The following KCNT2 variants were observed in gnomAD, a reference collection of about 807,000 sequenced individuals.
The protein encoded by KCNT2 is potassium sodium-activated channel subfamily T member 2.
KCNT2 carries 67 observed loss-of-function variants against 153.8 expected under a neutral mutation model. The ratio of observed to expected loss-of-function variants is 0.44; its 90% CI spans 0.36 to 0.53. KCNT2 has a LOEUF of 0.53. KCNT2 is among the 20% of genes least tolerant of loss of function. The probability of loss-of-function intolerance (pLI) is 0.00; values close to 1 mark genes in which losing one functional copy is unlikely to be tolerated. For synonymous variants in KCNT2, 500 were observed against 458.8 expected (o/e 1.09, Z -1.15); for missense variants, 975 against 1,354.8 (o/e 0.72, Z 4.40).
At chr1:196,342,001 T>C in intron 15 of KCNT2, 78 bp downstream of exon 15, 1 of 1,448,208 alleles carries the variant, frequency 6.9e-7, no homozygotes, top group East Asian at 2.3e-5. Context: ...ACAATATGCA[T>C]TCTATTTTTG....
At chr1:196,567,561 C>A (rs1400156066) in intron 1 of KCNT2, among the ~76,000 whole-genome samples, 2 of 152,122 alleles carry the variant, frequency 1.3e-5, no homozygotes, top group South Asian at 2.1e-4. Context: ...GCATATTATT[C>A]ATTATCTGGA....
chr1:196,423,526 A>G (rs1372476235), intron 11 of KCNT2, among the ~76,000 whole-genome samples: 1 of 151,820 alleles, frequency 6.6e-6, no homozygotes, highest in Non-Finnish European at 1.5e-5. Context: ...GTAAAACTCT[A>G]GTTTGTATTT....
chr1:196,325,534 A>T (rs1663760238), intron 19 of KCNT2, among the ~76,000 whole-genome samples: 1 of 152,146 alleles, frequency 6.6e-6, no homozygotes, highest in Non-Finnish European at 1.5e-5. Flanking sequence ...TTATATTTGA[A>T]AGAAGTGATT....
In KCNT2 at chr1:196,596,100, A is replaced by C. The variant is rs549498796; in HGVS notation, c.95+12115T>G. Reference sequence around the variant, plus strand: ...TATATATATATATATATATATATATATCACATTTTCTTTATCCAGTTGTTG... The same window carrying C: ...TATATATATATATATATATATATATCTCACATTTTCTTTATCCAGTTGTTG... On this transcript the variant is annotated intron_variant, in intron 1 of 27. Transcript: ENST00000294725. Among the ~76,000 whole-genome samples the C allele has an allele frequency of 9.5e-4, 135 of 141,704 alleles. 1 individual carries two copies. Among genetic ancestry groups the C allele is most frequent in the African/African-American group, 3.6e-3 (128 of 35,422 alleles). The allele number at this position is 141,704 out of a possible 152,430, so 93.0% of individuals were successfully genotyped here. A position where few individuals can be genotyped will look rare whatever the true frequency, so the allele number is the denominator to read the frequency against.
chr1:196,489,430 AAAG>A (rs1347884957), intron 3 of KCNT2, among the ~76,000 whole-genome samples: 3 of 151,992 alleles, frequency 2.0e-5, no homozygotes, highest in Non-Finnish European at 2.9e-5. Flanking sequence ...AAAAAAAGAA[AAAG>A]AAGAAAACTA....
rs56943556 is a variant in KCNT2, at chr1:196,487,409, A to AGTGTGTGTGTGTGTGTGT, written c.275+2411_275+2428dup. Among the ~76,000 whole-genome samples the AGTGTGTGTGTGTGTGTGT allele has an allele frequency of 5.0e-3, 732 of 146,518 alleles. 13 individuals are homozygous for AGTGTGTGTGTGTGTGTGT. Among genetic ancestry groups the AGTGTGTGTGTGTGTGTGT allele is most frequent in the East Asian group, 0.031 (153 of 4,858 alleles). On this transcript the variant is annotated intron_variant, in intron 3 of 27. Transcript: ENST00000294725. ...ACATATAGTACCTACCATGTTATGG[A>AGTGTGTGTGTGTGTGTGT]GTGTGTGTGTGTGTGTGTGTGTGTG...
chr1:196,391,773 C>T (rs1464853416), intron 13 of KCNT2, among the ~76,000 whole-genome samples: 1 of 151,310 alleles, frequency 6.6e-6, no homozygotes. Flanking sequence ...ATATATACCA[C>T]ATTAACATTA....
chr1:196,539,346 T>G (rs1206099753), intron 1 of KCNT2, among the ~76,000 whole-genome samples: 1 of 152,190 alleles, frequency 6.6e-6, no homozygotes, highest in Non-Finnish European at 1.5e-5. Context: ...ACAGGCTTTC[T>G]TAAATCATTA....
chr1:196,329,960 T>G (rs908852484), intron 18 of KCNT2, among the ~76,000 whole-genome samples: 1 of 132,282 alleles, frequency 7.6e-6, no homozygotes, highest in Non-Finnish European at 1.6e-5. Context: ...CATATATATA[T>G]ATATATATAT....
chr1:196,413,382 T>G (rs1411408970), intron 12 of KCNT2, among the ~76,000 whole-genome samples: 1 of 151,716 alleles, frequency 6.6e-6, no homozygotes, highest in Non-Finnish European at 1.5e-5. Context: ...AAGTGACTTA[T>G]TAAATGTCAA....
chr1:196,322,143 T>A (rs1663383261), intron 19 of KCNT2, among the ~76,000 whole-genome samples: 1 of 152,070 alleles, frequency 6.6e-6, no homozygotes, highest in African/African-American at 2.4e-5. Context: ...GTATGCATTT[T>A]AAAAAATCTG....
At chr1:196,263,506 G>T (rs750009927) in intron 25 of KCNT2, among the ~76,000 whole-genome samples, 1 of 152,060 alleles carries the variant, frequency 6.6e-6, no homozygotes, top group Non-Finnish European at 1.5e-5. Flanking sequence ...GGCTAGGGGA[G>T]GGATAGCATT....
chr1:196,409,829 G>A (rs1176607784), intron 12 of KCNT2, among the ~76,000 whole-genome samples: 2 of 151,736 alleles, frequency 1.3e-5, no homozygotes, highest in Non-Finnish European at 3.0e-5. Flanking sequence ...TGGGATTTCT[G>A]AGTCATATGG....
intron 1 of KCNT2, among the ~76,000 whole-genome samples, chr1:196,562,279 G>C (rs187297847): frequency 1.3e-3 from 191 of 152,008 alleles, no homozygotes; most frequent in African/African-American, 4.2e-3. Context: ...GTGTCAGGCT[G>C]GAATTTGGTA....
chr1:196,429,486 A>G, intron 9 of KCNT2, 91 bp downstream of exon 9: 1 of 777,136 alleles, frequency 1.3e-6, no homozygotes, highest in Non-Finnish European at 2.0e-6. Context: ...AGTGTTAGAT[A>G]AATAAGCCAC....
chr1:196,301,481 CTACTTTCAGAAAATCTT>C (rs1291400131), intron 22 of KCNT2, among the ~76,000 whole-genome samples: 1 of 152,158 alleles, frequency 6.6e-6, no homozygotes, highest in East Asian at 1.9e-4. Flanking sequence ...CACTAAGTAG[CTACTTTCAGAAAATCTT>C]TACAGAGTAT....
intron 5 of KCNT2, among the ~76,000 whole-genome samples, chr1:196,477,999 T>C (rs1678685684): frequency 6.6e-6 from 1 of 152,222 alleles, no homozygotes; most frequent in African/African-American, 2.4e-5. Flanking sequence ...CTGAAATTCA[T>C]CACCTCCAAA....
chr1:196,294,448 G>C (rs1660494435), intron 22 of KCNT2, among the ~76,000 whole-genome samples: 2 of 151,920 alleles, frequency 1.3e-5, no homozygotes. Flanking sequence ...GTTAATTTTT[G>C]TATTTTTAGT....
intron 1 of KCNT2, among the ~76,000 whole-genome samples, chr1:196,577,684 CA>C (rs1294942901): frequency 2.0e-5 from 3 of 152,156 alleles, no homozygotes; most frequent in African/African-American, 7.2e-5. Flanking sequence ...ATTCCGAGAG[CA>C]CTGGTTAGAG....
Sources: gnomAD v4.1 joint callset for allele counts (sites outside exome capture counted in the v4.1 genomes callset) on GRCh38, gnomAD v4.1.1 for gene constraint, MANE v1.5 for transcripts, NCBI Gene and HGNC (gene_info 2026-07-23, HGNC 2026-07-21) for gene names.